SLC14A2: variants seen among roughly 807,000 people sequenced by gnomAD.
SLC14A2 encodes solute carrier family 14 member 2, also known as urea transporter 2.
SLC14A2 carries 91 observed loss-of-function variants against 104.6 expected under a neutral mutation model. The observed-to-expected ratio is 0.87, with a 90% CI of 0.73 to 1.04. The LOEUF is 1.04. Among genes scored for constraint, SLC14A2 ranks in the 50% least tolerant of loss-of-function variants. The pLI is 0.00. For synonymous variants in SLC14A2, 476 were observed against 466.4 expected (o/e 1.02, Z -0.27); for missense variants, 1,189 against 1,156.0 (o/e 1.03, Z -0.41).
chr18:45,415,627 A>G (rs2086268289), intron 1 of SLC14A2, among the ~76,000 whole-genome samples: 1 of 152,172 alleles, frequency 6.6e-6, no homozygotes, highest in South Asian at 2.1e-4. Context: ...ATAATGGTTG[A>G]AATAAACCAC....
intron 1 of SLC14A2, among the ~76,000 whole-genome samples, chr18:45,298,529 C>T (rs529389620): frequency 6.6e-6 from 1 of 152,300 alleles, no homozygotes; most frequent in South Asian, 2.1e-4. Flanking sequence ...CTTTAGCCCA[C>T]TTTCCATTCT....
chr18:45,479,038 T>C (rs1173426331), intron 1 of SLC14A2, among the ~76,000 whole-genome samples: 1 of 152,224 alleles, frequency 6.6e-6, no homozygotes, highest in African/African-American at 2.4e-5. Context: ...TTGAGGTCTT[T>C]GGCAGCAGAC....
At chr18:45,270,184 T>C (rs971667593) in intron 1 of SLC14A2, among the ~76,000 whole-genome samples, 3 of 152,184 alleles carry the variant, frequency 2.0e-5, no homozygotes, top group African/African-American at 7.2e-5. Context: ...TGGACCCTAC[T>C]TGCCCTTAGC....
rs529631118 is a variant in SLC14A2, at chr18:45,588,958, G to A, written c.-34-35673G>A. ...GTTTAGATTGTGGTTGTCTTTTTTT[G>A]TTTGGGGTTGGTGGGTGGGGGGGGG... is the stretch of plus-strand genomic sequence containing the variant. On this transcript the variant is annotated intron_variant, in intron 2 of 20. Transcript: ENST00000586448. Among the ~76,000 whole-genome samples the A allele has an allele frequency of 5.5e-5, 5 of 91,176 alleles. No individual in the cohort carries two copies. The South Asian group carries it at 1.3e-3, about 24-fold the overall frequency. 59.8% of individuals were successfully genotyped at this position (91,176 alleles called of 152,430 possible).
intron 1 of SLC14A2, among the ~76,000 whole-genome samples, chr18:45,258,623 A>C (rs2084504436): frequency 7.0e-6 from 1 of 143,282 alleles, no homozygotes; most frequent in Non-Finnish European, 1.5e-5. Context: ...TAATAAGTGC[A>C]AATTATATTG....
chr18:45,300,583 G>A (rs2084958865), intron 1 of SLC14A2, among the ~76,000 whole-genome samples: 1 of 152,182 alleles, frequency 6.6e-6, no homozygotes, highest in East Asian at 1.9e-4. Flanking sequence ...AGATGATGCA[G>A]GGGATGTGAA....
intron 1 of SLC14A2, among the ~76,000 whole-genome samples, chr18:45,460,446 C>T (rs550661405): frequency 6.6e-6 from 1 of 152,204 alleles, no homozygotes; most frequent in African/African-American, 2.4e-5. Flanking sequence ...ATTCAAGGGA[C>T]CTTCCTGACT....
chr18:45,508,648 C>T (rs1470638704), intron 2 of SLC14A2, among the ~76,000 whole-genome samples: 1 of 152,210 alleles, frequency 6.6e-6, no homozygotes, highest in Non-Finnish European at 1.5e-5. Flanking sequence ...CTAATGGGTG[C>T]TCAACTTTCT....
At chr18:45,680,438 T>C (rs566513935) in intron 19 of SLC14A2, among the ~76,000 whole-genome samples, 1 of 152,320 alleles carries the variant, frequency 6.6e-6, no homozygotes, top group South Asian at 2.1e-4. Flanking sequence ...CTCTCCGGAA[T>C]ATAAAAAAGT....
intron 1 of SLC14A2, chr18:45,435,260 C>T (rs760167272): frequency 6.6e-6 from 1 of 152,236 alleles, no homozygotes; most frequent in Non-Finnish European, 1.5e-5. Context: ...TTCAAAATTT[C>T]GCAGATAAAG....
chr18:45,243,511 A>G (rs939303713), intron 1 of SLC14A2, among the ~76,000 whole-genome samples: 3 of 152,222 alleles, frequency 2.0e-5, no homozygotes, highest in Non-Finnish European at 4.4e-5. Context: ...TAAAATGGGG[A>G]AACTAGGGTT....
At chr18:45,606,344 A>G (rs1382456787) in intron 2 of SLC14A2, among the ~76,000 whole-genome samples, 1 of 152,170 alleles carries the variant, frequency 6.6e-6, no homozygotes, top group Non-Finnish European at 1.5e-5. Flanking sequence ...TATTTTAAGC[A>G]GAAAAAGATT....
intron 1 of SLC14A2, chr18:45,435,086 T>C (rs987522346): frequency 2.0e-5 from 3 of 152,206 alleles, no homozygotes; most frequent in African/African-American, 7.2e-5. Flanking sequence ...TAGGAATCCA[T>C]TTGTCCCCTC....
intron 2 of SLC14A2, among the ~76,000 whole-genome samples, chr18:45,548,381 A>T (rs2044005655): frequency 6.6e-6 from 1 of 152,190 alleles, no homozygotes; most frequent in Non-Finnish European, 1.5e-5. Context: ...TGATTCGGGG[A>T]AAAGAGTAGT....
At chr18:45,346,403 C>T (rs949513477) in intron 1 of SLC14A2, among the ~76,000 whole-genome samples, 14 of 152,156 alleles carry the variant, frequency 9.2e-5, no homozygotes, top group East Asian at 3.9e-4. Context: ...GGGACCTACC[C>T]GCCTCGGCCT....
At chr18:45,483,849 C>G (rs1033107428) in intron 2 of SLC14A2, among the ~76,000 whole-genome samples, 21 of 152,136 alleles carry the variant, frequency 1.4e-4, no homozygotes, top group African/African-American at 5.1e-4. Flanking sequence ...GGTTGTTTGA[C>G]AAGCAGACCA....
chr18:45,601,614 C>T (rs527848214), intron 2 of SLC14A2, among the ~76,000 whole-genome samples: 1 of 152,370 alleles, frequency 6.6e-6, no homozygotes, highest in African/African-American at 2.4e-5. Context: ...TTCAGTCCAA[C>T]TGGCTAGTGC....
intron 1 of SLC14A2, among the ~76,000 whole-genome samples, chr18:45,242,855 G>T (rs1261310950): frequency 6.6e-6 from 1 of 152,218 alleles, no homozygotes; most frequent in Non-Finnish European, 1.5e-5. Flanking sequence ...GTGCAGGGAA[G>T]CATGGGGTGG....
chr18:45,386,226 A>C (rs970350449), intron 1 of SLC14A2, among the ~76,000 whole-genome samples: 3 of 152,082 alleles, frequency 2.0e-5, no homozygotes, highest in African/African-American at 7.2e-5. Context: ...CAAAAATTGC[A>C]CCTGGAATCT....
Sources: allele counts gnomAD v4.1 joint callset (sites outside exome capture counted in the v4.1 genomes callset), GRCh38; gene constraint gnomAD v4.1.1; transcripts MANE v1.5; gene names NCBI Gene and HGNC (gene_info 2026-07-23, HGNC 2026-07-21).